IP6K1: variants seen among roughly 807,000 people sequenced by gnomAD.
IP6K1 encodes the protein inositol hexakisphosphate kinase 1.
In IP6K1, 13 loss-of-function variants were observed where a neutral mutation model predicts 38.3. The ratio of observed to expected loss-of-function variants is 0.34; its 90% CI spans 0.22 to 0.54. The LOEUF (loss-of-function observed/expected upper bound fraction) is 0.54. Among genes scored for constraint, IP6K1 ranks in the 20% least tolerant of loss-of-function variants. The probability of loss-of-function intolerance (pLI) is 0.92; values close to 1 mark genes in which losing one functional copy is unlikely to be tolerated. For synonymous variants in IP6K1, 212 were observed against 229.9 expected (o/e 0.92, Z 0.70); for missense variants, 397 against 599.8 (o/e 0.66, Z 3.53).
At chr3:49,739,376 CAG>C (rs762772108) in intron 2 of IP6K1, among the ~76,000 whole-genome samples, 1 of 133,012 alleles carries the variant, frequency 7.5e-6, no homozygotes, top group Admixed American at 8.4e-5. Flanking sequence ...TTTTTTGAGA[CAG>C]AGTCTCGCTC....
At chr3:49,784,136 C>A (rs2081091134) in intron 1 of IP6K1, among the ~76,000 whole-genome samples, 1 of 152,070 alleles carries the variant, frequency 6.6e-6, no homozygotes, top group South Asian at 2.1e-4. Flanking sequence ...CCTGCCTCAG[C>A]CTCCATGCAC....
intron 1 of IP6K1, among the ~76,000 whole-genome samples, chr3:49,777,027 G>T (rs1289693719): frequency 6.6e-6 from 1 of 152,086 alleles, no homozygotes; most frequent in Non-Finnish European, 1.5e-5. Context: ...TTGAGGTCAG[G>T]AGTTCGAGAC....
chr3:49,747,866 A>G lies in IP6K1; in HGVS notation c.175T>C (p.Tyr59His). The change falls in exon 2 of 6, where the codon TAC (tyrosine) becomes CAC (histidine). Residue 59 changes from tyrosine (Y) to histidine (H), a missense_variant. Physicochemically the swap from Tyr to His is moderately conservative, Grantham distance 83 (BLOSUM62 2). This residue lies in a region of IP6K1 where 171 missense variants were observed against 237.0 expected (regional missense o/e 0.72). Coordinates refer to ENST00000321599, the MANE Select transcript of IP6K1 (RefSeq NM_153273.4). ...KPLISREQRF[Y>H]ESLPPEMKEF... Reference sequence around the variant, plus strand: ...TTCATTTCGGGAGGGAGGGACTCGTAAAAGCGCTGTTCCCGGGAGATGAGG... The same window carrying G: ...TTCATTTCGGGAGGGAGGGACTCGTGAAAGCGCTGTTCCCGGGAGATGAGG... 1 of 1,614,170 alleles carries G rather than the reference A, an allele frequency of 6.2e-7. No homozygotes were observed. Among genetic ancestry groups the G allele is most frequent in the Non-Finnish European group, 8.5e-7 (1 of 1,180,022 alleles).
intron 1 of IP6K1, among the ~76,000 whole-genome samples, chr3:49,774,925 G>C (rs1050599007): frequency 4.0e-5 from 6 of 151,506 alleles, no homozygotes; most frequent in African/African-American, 1.5e-4. Context: ...AGATGATCTA[G>C]TCATATTTTC....
chr3:49,755,707 T>C (rs1395067677), intron 1 of IP6K1, among the ~76,000 whole-genome samples: 1 of 152,092 alleles, frequency 6.6e-6, no homozygotes, highest in Non-Finnish European at 1.5e-5. Context: ...ATTTCAGAAA[T>C]AAAAAAGCAT....
At chr3:49,754,509 T>G (rs1232799590) in intron 1 of IP6K1, among the ~76,000 whole-genome samples, 1 of 152,160 alleles carries the variant, frequency 6.6e-6, no homozygotes, top group African/African-American at 2.4e-5. Flanking sequence ...CATAGCAAGA[T>G]GCTGTCTCAA....
At chr3:49,783,298 T>C (rs1292827291) in intron 1 of IP6K1, among the ~76,000 whole-genome samples, 1 of 151,554 alleles carries the variant, frequency 6.6e-6, no homozygotes, top group Admixed American at 6.6e-5. Flanking sequence ...GTCTCACCCC[T>C]GTAATCCCAG....
intron 4 of IP6K1, among the ~76,000 whole-genome samples, chr3:49,731,723 G>GT (rs1419773350): frequency 2.0e-5 from 3 of 151,866 alleles, no homozygotes; most frequent in Non-Finnish European, 4.4e-5. Flanking sequence ...ACTAACAATT[G>GT]TAAGAATTCC....
At chr3:49,756,076 T>C (rs541933736) in intron 1 of IP6K1, among the ~76,000 whole-genome samples, 1 of 152,300 alleles carries the variant, frequency 6.6e-6, no homozygotes, top group South Asian at 2.1e-4. Flanking sequence ...TATAGATGTC[T>C]AGAGTAATCT....
chr3:49,748,274 G>A (rs2080740794), intron 1 of IP6K1, 106 bp from the exon 2 acceptor site: 3 of 560,758 alleles, frequency 5.3e-6, no homozygotes, highest in Non-Finnish European at 6.4e-6. Context: ...TCCCTACTAT[G>A]TGTATCCCTA....
chr3:49,738,493 A>C, intron 2 of IP6K1, 71 bp from the exon 3 acceptor site: 1 of 1,206,650 alleles, frequency 8.3e-7, no homozygotes. Context: ...GACTGTTGGC[A>C]CTCACTTTCC....
chr3:49,759,106 G>A (rs1408118900), intron 1 of IP6K1, among the ~76,000 whole-genome samples: 3 of 151,872 alleles, frequency 2.0e-5, no homozygotes, highest in Non-Finnish European at 4.4e-5. Flanking sequence ...TCTTTCTATG[G>A]TATCTCAATG....
chr3:49,739,892 A>G (rs6446293), intron 2 of IP6K1, among the ~76,000 whole-genome samples: 151,174 of 152,150 alleles, frequency 0.99, 75,113 homozygotes, highest in East Asian at 1. Context: ...GTGCGTGCCT[A>G]TAATCCCAGC....
Position 49,725,626 on chromosome 3 carries a change from A to C in IP6K1, c.*1496T>G, listed in dbSNP as rs1401210831. On this transcript the variant is annotated 3_prime_UTR_variant, in exon 6 of 6. Transcript: ENST00000321599. ...AAGTGACAATGAACAGTGTGGCCCT[A>C]GGCTCAAAGGAGAGGGTGCTAACCT... is the stretch of plus-strand genomic sequence containing the variant. 1 of 152,742 alleles carries C rather than the reference A, an allele frequency of 6.5e-6. No individual in the cohort carries two copies. Among genetic ancestry groups the C allele is most frequent in the African/African-American group, 2.4e-5 (1 of 41,484 alleles). 9.5% of individuals were successfully genotyped at this position (152,742 alleles called of 1,614,324 possible).
At chr3:49,757,976 T>C (rs986229641) in intron 1 of IP6K1, among the ~76,000 whole-genome samples, 3 of 152,186 alleles carry the variant, frequency 2.0e-5, no homozygotes, top group African/African-American at 7.2e-5. Flanking sequence ...TTGACCTTTT[T>C]AGATTATCTG....
At chr3:49,771,565 A>C (rs2080960181) in intron 1 of IP6K1, among the ~76,000 whole-genome samples, 1 of 152,222 alleles carries the variant, frequency 6.6e-6, no homozygotes, top group South Asian at 2.1e-4. Flanking sequence ...AATGTTGCTA[A>C]ATGTGGAACA....
chr3:49,734,263 T>TA (rs1188129590), intron 3 of IP6K1, among the ~76,000 whole-genome samples: 1 of 152,132 alleles, frequency 6.6e-6, no homozygotes, highest in Non-Finnish European at 1.5e-5. Context: ...AAATCTTTGC[T>TA]TGAAGTAACC....
At chr3:49,742,342 G>A (rs954371096) in intron 2 of IP6K1, among the ~76,000 whole-genome samples, 18 of 151,932 alleles carry the variant, frequency 1.2e-4, no homozygotes, top group African/African-American at 4.1e-4. Context: ...GAGGTCAGGA[G>A]ATTGAGACCA....
Position 49,738,356 on chromosome 3 carries a change from A to G in IP6K1, c.290T>C (p.Val97Ala), listed in dbSNP as rs774734807. 1 of 1,614,094 alleles carries G rather than the reference A, an allele frequency of 6.2e-7. No homozygotes were observed. The highest frequency in any genetic ancestry group is 8.5e-7 in the Non-Finnish European group (1 of 1,180,006). ...GYINLVAYPY[V>A]ESETVEQDDT... ...ATCCTGTTCCACAGTCTCACTTTCCACATAAGGATAGGCCACTAAGTTGAT... is the reference window on the plus strand; with the variant it reads ...ATCCTGTTCCACAGTCTCACTTTCCGCATAAGGATAGGCCACTAAGTTGAT... Residue 97 changes from valine to alanine, a missense_variant, in exon 3 of 6, where the codon GTG becomes GCG. Coordinates refer to ENST00000321599, the MANE Select transcript of IP6K1 (RefSeq NM_153273.4).
Sources: gnomAD v4.1 joint callset for allele counts (sites outside exome capture counted in the v4.1 genomes callset) on GRCh38, gnomAD v4.1.1 for gene constraint, gnomAD v4.1.1 regional missense constraint, MANE v1.5 for transcripts, NCBI Gene and HGNC (gene_info 2026-07-23, HGNC 2026-07-21) for gene names.